Variants in NEBL observed in about 807,000 individuals in gnomAD.
NEBL encodes the protein nebulette.
In NEBL, 122 loss-of-function variants were observed where a neutral mutation model predicts 140.2. The ratio of observed to expected loss-of-function variants is 0.87; its 90% CI spans 0.75 to 1.01. The LOEUF (loss-of-function observed/expected upper bound fraction) is 1.01. NEBL is among the 50% of genes least tolerant of loss of function. The pLI, the probability that NEBL is intolerant of heterozygous loss-of-function variation, is 0.00. For missense variants in NEBL, 1,365 were observed against 1,231.3 expected, an observed-to-expected ratio of 1.11 and a Z score of -1.62; for synonymous variants, 436 against 398.9, an observed-to-expected ratio of 1.09 and a Z score of -1.11.
intron 2 of NEBL, among the ~76,000 whole-genome samples, chr10:21,079,473 G>A (rs1007547001): frequency 3.9e-5 from 6 of 152,222 alleles, no homozygotes; most frequent in Non-Finnish European, 7.3e-5. Context: ...TTGCTCAAGA[G>A]TGGGCACACA....
rs1835012537 is a variant in NEBL, at chr10:20,781,129, T to C, written c.*4618A>G. 6.6e-6 allele frequency: 1 copy of C among 152,566 alleles called. No homozygotes were observed. The highest frequency in any genetic ancestry group is 6.6e-5 in the Admixed American group (1 of 15,258). The allele number at this position is 152,566 out of a possible 1,614,324, so 9.5% of individuals were successfully genotyped here. A position where few individuals can be genotyped will look rare whatever the true frequency, so the allele number is the denominator to read the frequency against. On this transcript the variant is annotated 3_prime_UTR_variant, in exon 28 of 28. Transcript: ENST00000377122. ...TCCACCAAGGCTTAAAGATTCACAG[T>C]GTAGAGGAAAAAAATATGAATTAAA...
chr10:21,202,035 G>C (rs374332250), intron 3 of NEBL, among the ~76,000 whole-genome samples: 3 of 151,954 alleles, frequency 2.0e-5, no homozygotes, highest in Non-Finnish European at 4.4e-5. Flanking sequence ...ATTTCCTATC[G>C]TGATACAACA....
chr10:20,880,757 A>AG (rs1295736590), intron 5 of NEBL, 37 bp downstream of exon 5: 1 of 1,461,520 alleles, frequency 6.8e-7, no homozygotes, highest in Non-Finnish European at 9.6e-7. Flanking sequence ...ACTTAACTAC[A>AG]GTTCGCTAGA....
chr10:20,925,457 T>C (rs1474666133), intron 4 of NEBL, among the ~76,000 whole-genome samples: 1 of 152,112 alleles, frequency 6.6e-6, no homozygotes, highest in Non-Finnish European at 1.5e-5. Flanking sequence ...ACCCTTCACC[T>C]TCTCTCTCTT....
At chr10:20,880,731 C>T in intron 5 of NEBL, 63 bp downstream of exon 5, 1 of 1,207,340 alleles carries the variant, frequency 8.3e-7, no homozygotes, top group Non-Finnish European at 1.2e-6. Flanking sequence ...GCAAAATAAA[C>T]ATAAGCCCTA....
Position 20,840,801 on chromosome 10 carries a change from C to T in NEBL, c.1276G>A (p.Glu426Lys), listed in dbSNP as rs1468818274. 1 of 1,610,896 alleles carries T rather than the reference C, an allele frequency of 6.2e-7. No individual in the cohort carries two copies. The highest frequency in any genetic ancestry group is 8.5e-7 in the Non-Finnish European group (1 of 1,177,924). Residue 426 changes from glutamate (E) to lysine (K), a missense_variant, in exon 13 of 28, where the codon GAA (glutamate) becomes AAA (lysine). Transcript: ENST00000377122. ...LENEIKGKGM[E>K]LNSEVLDIQR... ...ATATCAAGAACTTCTGAATTAAGTTCCATTCCTTTCCCTTTTATCTCATTT... is the reference window on the plus strand; with the variant it reads ...ATATCAAGAACTTCTGAATTAAGTTTCATTCCTTTCCCTTTTATCTCATTT...
chr10:20,874,940 T>C (rs788949), intron 5 of NEBL, among the ~76,000 whole-genome samples: 35,418 of 151,938 alleles, frequency 0.23, 4,549 homozygotes, highest in East Asian at 0.43. Flanking sequence ...AGGTTTATCA[T>C]GTTGGCCAGG....
chr10:21,033,533 C>T lies in NEBL; in HGVS notation c.165-13332G>A, dbSNP rs149735449. On this transcript the variant is annotated intron_variant, in intron 2 of 6. Transcript: ENST00000417816. ...ATCTCTGTCACTCTCAAAATTCATC[C>T]ATGTAGAACAGAAATCTCTTATTGA... 2.5e-3 allele frequency among the ~76,000 whole-genome samples: 374 copies of T among 152,084 alleles called. 1 individual carries two copies. The highest frequency in any genetic ancestry group is 7.9e-3 in the African/African-American group (327 of 41,522).
At chr10:21,051,679 T>G (rs1442449651) in intron 2 of NEBL, among the ~76,000 whole-genome samples, 1 of 148,936 alleles carries the variant, frequency 6.7e-6, no homozygotes, top group Non-Finnish European at 1.5e-5. Flanking sequence ...ACTTTAAGTA[T>G]AAATGGATTA....
chr10:21,268,370 C>G (rs1467227746), intron 1 of NEBL, among the ~76,000 whole-genome samples: 2 of 152,122 alleles, frequency 1.3e-5, no homozygotes, highest in Non-Finnish European at 2.9e-5. Flanking sequence ...GTAGTCCCAG[C>G]TACTTGGGAG....
At chr10:20,871,217 T>A (rs1002826960) in intron 5 of NEBL, among the ~76,000 whole-genome samples, 7 of 152,218 alleles carry the variant, frequency 4.6e-5, no homozygotes, top group Admixed American at 1.3e-4. Context: ...TAATGTCACC[T>A]GCAACCTTTC....
chr10:21,154,707 A>G (rs1205254556), intron 2 of NEBL, among the ~76,000 whole-genome samples: 2 of 152,226 alleles, frequency 1.3e-5, no homozygotes, highest in African/African-American at 4.8e-5. Flanking sequence ...ACAGCCTGGA[A>G]TCTCTTTATT....
chr10:20,965,176 A>G (rs1169745533), intron 3 of NEBL, among the ~76,000 whole-genome samples: 3 of 152,368 alleles, frequency 2.0e-5, no homozygotes. Context: ...AGGTATAGAA[A>G]TGATGTGACA....
intron 4 of NEBL, among the ~76,000 whole-genome samples, chr10:20,939,107 A>G (rs908550024): frequency 5.9e-5 from 9 of 152,174 alleles, no homozygotes. Flanking sequence ...GATACTCCCC[A>G]AGAAGAGCAA....
chr10:21,017,879 A>G (rs1838619697), intron 3 of NEBL, among the ~76,000 whole-genome samples: 1 of 150,528 alleles, frequency 6.6e-6, no homozygotes, highest in Non-Finnish European at 1.5e-5. Flanking sequence ...GCTAGAGTAC[A>G]GTGGCACGAT....
In NEBL at chr10:20,859,741, T is replaced by G. The variant is rs1588846313; in HGVS notation, c.770A>C (p.Asn257Thr). ...GCTCGCCAGTGTAGCAGCAAGCTGA[T>G]TCTGCCTAAAAGAAGCACTTTCAAG... ...NPLESASFRQ[N>T]QLAATLASNV... Residue 257 changes from asparagine (N) to threonine (T), a missense_variant, in exon 8 of 28, where the codon AAT (asparagine) becomes ACT (threonine). Coordinates refer to ENST00000377122, the MANE Select transcript of NEBL (RefSeq NM_006393.3). 1 of 1,601,416 alleles carries G rather than the reference T, an allele frequency of 6.2e-7. No individual in the cohort carries two copies. Among genetic ancestry groups the G allele is most frequent in the Non-Finnish European group, 8.6e-7 (1 of 1,169,434 alleles).
intron 2 of NEBL, among the ~76,000 whole-genome samples, chr10:21,146,031 G>A (rs943413032): frequency 1.3e-5 from 2 of 152,142 alleles, no homozygotes; most frequent in African/African-American, 4.8e-5. Flanking sequence ...GAGTGGGAAG[G>A]CAAAGAGGAG....
intron 2 of NEBL, among the ~76,000 whole-genome samples, chr10:21,027,663 G>A (rs1356873828): frequency 6.6e-6 from 1 of 152,082 alleles, no homozygotes; most frequent in Non-Finnish European, 1.5e-5. Context: ...AGCAAAAGTT[G>A]TGACTTCACA....
chr10:21,062,247 A>G (rs932606555), intron 2 of NEBL, among the ~76,000 whole-genome samples: 1 of 152,210 alleles, frequency 6.6e-6, no homozygotes, highest in Non-Finnish European at 1.5e-5. Flanking sequence ...CACAACTCAC[A>G]CATCACAGCG....
Sources: allele counts gnomAD v4.1 joint callset (sites outside exome capture counted in the v4.1 genomes callset), GRCh38; gene constraint gnomAD v4.1.1; transcripts MANE v1.5; gene names NCBI Gene and HGNC (gene_info 2026-07-23, HGNC 2026-07-21).